The following ABCB5 variants were observed in gnomAD, a reference collection of about 807,000 sequenced individuals.
ABCB5 encodes the protein ATP-binding cassette sub-family B member 5.
In ABCB5, 155 loss-of-function variants were observed where a neutral mutation model predicts 144.2. That is an observed-to-expected ratio of 1.08 (90% CI 0.94 to 1.23). The LOEUF (loss-of-function observed/expected upper bound fraction) is 1.23. ABCB5 is among the 50% of genes most tolerant of loss of function. The pLI is 0.00. For synonymous variants in ABCB5, 610 were observed against 528.6 expected (o/e 1.15, Z -2.11); for missense variants, 1,830 against 1,520.8 (o/e 1.20, Z -3.38).
Position 20,755,777 on chromosome 7 carries a change from G to C in ABCB5, c.*153G>C. ...TACATGTTCTATTCACACACCATCTGACCTTCAGATTTTTAAAAGGAAGCA... is the reference window on the plus strand; with the variant it reads ...TACATGTTCTATTCACACACCATCTCACCTTCAGATTTTTAAAAGGAAGCA... On this transcript the variant is annotated 3_prime_UTR_variant, in exon 28 of 28. Coordinates refer to ENST00000404938, the MANE Select transcript of ABCB5 (RefSeq NM_001163941.2). 4 of 740,016 alleles carry C rather than the reference G, an allele frequency of 5.4e-6. No individual in the cohort carries two copies. Among genetic ancestry groups the C allele is most frequent in the Non-Finnish European group, 8.4e-6 (4 of 476,490 alleles). The allele number at this position is 740,016 out of a possible 1,614,324, so 45.8% of individuals were successfully genotyped here. A position where few individuals can be genotyped will look rare whatever the true frequency, so the allele number is the denominator to read the frequency against.
chr7:20,678,868 T>C (rs959200079), intron 14 of ABCB5, among the ~76,000 whole-genome samples: 3 of 152,114 alleles, frequency 2.0e-5, no homozygotes, highest in African/African-American at 4.8e-5. Context: ...TTCTGCAGTA[T>C]AGTAGGGAAA....
intron 14 of ABCB5, chr7:20,659,195 C>A: frequency 6.2e-7 from 1 of 1,609,088 alleles, no homozygotes; most frequent in East Asian, 2.2e-5. Context: ...TGAGCTACTG[C>A]ACATACCTCA....
intron 14 of ABCB5, among the ~76,000 whole-genome samples, chr7:20,669,361 C>G (rs1245779426): frequency 6.8e-6 from 1 of 146,300 alleles, no homozygotes; most frequent in East Asian, 2.1e-4. Flanking sequence ...ACATGGGAGA[C>G]TTTTCATTTT....
At position 20,662,294 on chromosome 7, in the gene ABCB5, C is replaced by G. The variant is rs560450643; in HGVS notation, c.1707+3618C>G. ...CGGGCACGTCTTAACCATCACTGTG[C>G]TTTCTCCCTATGATGCGCCCCGTTG... On this transcript the variant is annotated intron_variant, in intron 14 of 27. Coordinates refer to ENST00000404938, the MANE Select transcript of ABCB5 (RefSeq NM_001163941.2). Among the ~76,000 whole-genome samples the G allele has an allele frequency of 3.3e-5, 5 of 152,300 alleles. No homozygotes were observed. The East Asian group carries it at 5.8e-4, about 18-fold the overall frequency.
intron 3 of ABCB5, 59 bp downstream of exon 3, chr7:20,626,670 T>C: frequency 1.5e-6 from 2 of 1,362,478 alleles, no homozygotes; most frequent in East Asian, 2.6e-5. Flanking sequence ...TTGTCAGTAG[T>C]GCATAGAAGA....
chr7:20,630,125 G>C (rs550013348), intron 4 of ABCB5, among the ~76,000 whole-genome samples: 1 of 152,190 alleles, frequency 6.6e-6, no homozygotes, highest in South Asian at 2.1e-4. Context: ...CTGATGTAAT[G>C]ACTATGCAGT....
intron 7 of ABCB5, 25 bp from the exon 8 acceptor site, chr7:20,645,731 T>A (rs1307958504): frequency 6.2e-7 from 1 of 1,612,220 alleles, no homozygotes; most frequent in Non-Finnish European, 8.5e-7. Context: ...AGTCATTTTT[T>A]AACTGTGGTT....
chr7:20,672,864 T>C (rs911718429), intron 14 of ABCB5, among the ~76,000 whole-genome samples: 13 of 152,198 alleles, frequency 8.5e-5, no homozygotes, highest in African/African-American at 2.2e-4. Context: ...TTCCAGACTG[T>C]TGACTCCATT....
At chr7:20,678,962 C>A (rs908866249) in intron 14 of ABCB5, among the ~76,000 whole-genome samples, 1 of 152,094 alleles carries the variant, frequency 6.6e-6, no homozygotes, top group South Asian at 2.1e-4. Context: ...GCATCACATA[C>A]AAAAACTAAT....
chr7:20,639,155 T>C (rs942626260), intron 5 of ABCB5, among the ~76,000 whole-genome samples: 1 of 152,228 alleles, frequency 6.6e-6, no homozygotes, highest in African/African-American at 2.4e-5. Flanking sequence ...TATATTTTCT[T>C]TGGTGAAAAG....
At chr7:20,753,011 C>T (rs1443256403) in intron 26 of ABCB5, among the ~76,000 whole-genome samples, 1 of 152,126 alleles carries the variant, frequency 6.6e-6, no homozygotes, top group East Asian at 1.9e-4. Flanking sequence ...TCATTTTAAC[C>T]TGAAAATAGT....
intron 21 of ABCB5, among the ~76,000 whole-genome samples, chr7:20,726,150 A>G (rs549380440): frequency 1.8e-4 from 28 of 152,222 alleles, no homozygotes; most frequent in South Asian, 8.3e-4. Context: ...TTTATAAACT[A>G]TATAAATGTG....
intron 13 of ABCB5, among the ~76,000 whole-genome samples, chr7:20,657,476 GA>G (rs1784847416): frequency 6.6e-6 from 1 of 152,164 alleles, no homozygotes; most frequent in Admixed American, 6.5e-5. Flanking sequence ...CAACATGGAT[GA>G]ATATCAAAAA....
In ABCB5 at chr7:20,722,801, G is replaced by A. The variant is rs558010312; in HGVS notation, c.2422-215G>A. ...TGCGCCACTGCACTCCAGCCTGGGTGACAGAGTGGGACTCCATCCCGGAAA... is the reference window on the plus strand; with the variant it reads ...TGCGCCACTGCACTCCAGCCTGGGTAACAGAGTGGGACTCCATCCCGGAAA... On this transcript the variant is annotated intron_variant, in intron 20 of 27. Transcript: ENST00000404938. Among the ~76,000 whole-genome samples the A allele has an allele frequency of 2.0e-5, 3 of 151,990 alleles. No homozygotes were observed. The South Asian group carries it at 6.2e-4, about 32-fold the overall frequency.
At chr7:20,661,578 C>T (rs927044357) in intron 14 of ABCB5, among the ~76,000 whole-genome samples, 12 of 147,784 alleles carry the variant, frequency 8.1e-5, no homozygotes, top group African/African-American at 3.0e-4. Flanking sequence ...CTCTGTCACC[C>T]AGGCTGGAGT....
intron 16 of ABCB5, among the ~76,000 whole-genome samples, chr7:20,692,778 T>C (rs1488259432): frequency 6.6e-6 from 1 of 152,134 alleles, no homozygotes; most frequent in Non-Finnish European, 1.5e-5. Flanking sequence ...TATATAACAT[T>C]GTCTGAAGGT....
At chr7:20,661,534 C>CTCTTTTTTTTTTTTTTTTT (rs1406657803) in intron 14 of ABCB5, among the ~76,000 whole-genome samples, 4 of 132,384 alleles carry the variant, frequency 3.0e-5, no homozygotes, top group African/African-American at 9.7e-5. Flanking sequence ...TCTTTCTTTT[C>CTCTTTTTTTTTTTTTTTTT]TTTTTCTTTT....
At chr7:20,630,422 AT>A (rs1562528702) in intron 4 of ABCB5, among the ~76,000 whole-genome samples, 2 of 152,134 alleles carry the variant, frequency 1.3e-5, no homozygotes, top group East Asian at 3.8e-4. Flanking sequence ...GCAAAAAAAA[AT>A]CTTTAAACTC....
intron 2 of ABCB5, among the ~76,000 whole-genome samples, chr7:20,625,696 T>C (rs1403485640): frequency 1.3e-5 from 2 of 152,188 alleles, no homozygotes; most frequent in African/African-American, 2.4e-5. Context: ...ATCCTTGTTC[T>C]GGCAGGAATG....
Sources: gnomAD v4.1 joint callset for allele counts (sites outside exome capture counted in the v4.1 genomes callset) on GRCh38, gnomAD v4.1.1 for gene constraint, MANE v1.5 for transcripts, NCBI Gene and HGNC (gene_info 2026-07-23, HGNC 2026-07-21) for gene names.